Variants in KHDRBS2 observed in about 807,000 individuals in gnomAD.
The protein encoded by KHDRBS2 is KH RNA binding domain containing, signal transduction associated 2.
KHDRBS2 carries 26 observed loss-of-function variants against 44.3 expected under a neutral mutation model. The observed-to-expected ratio is 0.59, with a 90% CI of 0.43 to 0.81. KHDRBS2 has a LOEUF of 0.81. Among genes scored for constraint, KHDRBS2 ranks in the 40% least tolerant of loss-of-function variants. KHDRBS2 has a pLI of 0.00. For missense variants in KHDRBS2, 476 were observed against 433.1 expected, an observed-to-expected ratio of 1.10 and a Z score of -0.88; for synonymous variants, 194 against 151.1, an observed-to-expected ratio of 1.28 and a Z score of -2.08.
At chr6:62,074,222 A>T (rs769048965) in intron 2 of KHDRBS2, among the ~76,000 whole-genome samples, 1 of 151,884 alleles carries the variant, frequency 6.6e-6, no homozygotes, top group Non-Finnish European at 1.5e-5. Flanking sequence ...GGATCCAGTT[A>T]AGCCATGCCT....
At chr6:61,945,113 G>A (rs6149615) in intron 4 of KHDRBS2, among the ~76,000 whole-genome samples, 128 of 14,960 alleles carry the variant, frequency 8.6e-3, no homozygotes, top group South Asian at 0.018. Flanking sequence ...AAAAAAAAAA[G>A]TATATATATA....
intron 2 of KHDRBS2, among the ~76,000 whole-genome samples, chr6:62,090,668 G>C (rs1799332664): frequency 6.6e-6 from 1 of 152,028 alleles, no homozygotes; most frequent in African/African-American, 2.4e-5. Flanking sequence ...AGAGAGAACA[G>C]GGGTACTGTT....
chr6:61,545,903 C>A, the KHDRBS2 span, among the ~76,000 whole-genome samples: 1 of 152,046 alleles, frequency 6.6e-6, no homozygotes, highest in Non-Finnish European at 1.5e-5. Flanking sequence ...CCGTCTTCAA[C>A]CCAAGGGGAG....
At chr6:62,110,731 G>A (rs187357992) in intron 2 of KHDRBS2, among the ~76,000 whole-genome samples, 6 of 152,162 alleles carry the variant, frequency 3.9e-5, no homozygotes, top group Admixed American at 3.3e-4. Flanking sequence ...GAGGCAAGGA[G>A]TGAGGGATTA....
rs184911931 is a variant in KHDRBS2 at position 61,748,874 on chromosome 6, A to G, written c.811-16110T>C. Among the ~76,000 whole-genome samples, 4 of 152,198 alleles carry G rather than the reference A, an allele frequency of 2.6e-5. No individual in the cohort carries two copies. The East Asian group carries it at 5.8e-4, about 22-fold the overall frequency. On this transcript the variant is annotated intron_variant, in intron 6 of 8. Coordinates refer to ENST00000281156, the MANE Select transcript of KHDRBS2 (RefSeq NM_152688.4). ...AATTCTCTATGCCCTGTGCTATCCA[A>G]TATGATATTCACTAGTCAGTGTGGT...
intron 2 of KHDRBS2, among the ~76,000 whole-genome samples, chr6:62,154,464 TAGTA>T (rs748902514): frequency 1.4e-4 from 22 of 152,110 alleles, no homozygotes; most frequent in Non-Finnish European, 2.2e-4. Context: ...TTTATAAAAA[TAGTA>T]AGTAATATAA....
At chr6:62,100,552 A>C (rs899273159) in intron 2 of KHDRBS2, among the ~76,000 whole-genome samples, 1 of 152,204 alleles carries the variant, frequency 6.6e-6, no homozygotes, top group African/African-American at 2.4e-5. Context: ...TGTCTTTTAC[A>C]AAATTACCAC....
intron 6 of KHDRBS2, among the ~76,000 whole-genome samples, chr6:61,868,307 C>T (rs1798076215): frequency 6.6e-6 from 1 of 152,120 alleles, no homozygotes; most frequent in Admixed American, 6.5e-5. Context: ...ACCAATTCAC[C>T]CAAACAGCAA....
intron 1 of KHDRBS2, among the ~76,000 whole-genome samples, chr6:62,189,080 C>A (rs1203998202): frequency 6.6e-6 from 1 of 151,778 alleles, no homozygotes; most frequent in Non-Finnish European, 1.5e-5. Flanking sequence ...GTGCCACTGA[C>A]CCCTCCAGCC....
chr6:62,038,317 G>C (rs924281829), intron 3 of KHDRBS2, among the ~76,000 whole-genome samples: 4 of 123,892 alleles, frequency 3.2e-5, no homozygotes, highest in Non-Finnish European at 5.7e-5. Flanking sequence ...TTGAGAAGCT[G>C]CTGATTTTTT....
chr6:62,252,027 G>A (rs182915739), intron 1 of KHDRBS2, among the ~76,000 whole-genome samples: 6 of 151,922 alleles, frequency 3.9e-5, no homozygotes, highest in African/African-American at 1.4e-4. Flanking sequence ...AGGAGGAGAA[G>A]ATTCTTGGCA....
rs140770440 is a variant in KHDRBS2 at position 61,951,945 on chromosome 6, A to T, written c.483+26121T>A. On this transcript the variant is annotated intron_variant, in intron 4 of 8. Coordinates refer to ENST00000281156, the MANE Select transcript of KHDRBS2 (RefSeq NM_152688.4). Reference sequence around the variant, plus strand: ...TCAGTTAAACATTATCTGTACAATCAAAGAAAGCCACTCCTTAGACCAAGA... The same window carrying T: ...TCAGTTAAACATTATCTGTACAATCTAAGAAAGCCACTCCTTAGACCAAGA... Among the ~76,000 whole-genome samples the T allele has an allele frequency of 2.2e-3, 341 of 152,124 alleles. 12 individuals are homozygous for T. In the East Asian group the frequency reaches 0.06, roughly 27 times the overall value.
intron 4 of KHDRBS2, among the ~76,000 whole-genome samples, chr6:61,966,043 G>A (rs1769858807): frequency 6.6e-6 from 1 of 151,890 alleles, no homozygotes; most frequent in African/African-American, 2.4e-5. Context: ...TCTTGCTCCT[G>A]CAGACCAACT....
At chr6:61,889,527 A>C (rs1241415866) in intron 6 of KHDRBS2, among the ~76,000 whole-genome samples, 1 of 137,848 alleles carries the variant, frequency 7.3e-6, no homozygotes, top group African/African-American at 2.7e-5. Context: ...CCATCATCAA[A>C]TCTTAACAGA....
At chr6:62,207,324 A>T (rs1261871328) in intron 1 of KHDRBS2, among the ~76,000 whole-genome samples, 2 of 152,148 alleles carry the variant, frequency 1.3e-5, no homozygotes, top group Non-Finnish European at 2.9e-5. Context: ...GCTATACTTC[A>T]GTATGTATTA....
intron 6 of KHDRBS2, among the ~76,000 whole-genome samples, chr6:61,830,952 T>C (rs1485134811): frequency 6.6e-6 from 1 of 152,202 alleles, no homozygotes; most frequent in African/African-American, 2.4e-5. Flanking sequence ...TGTTCCTAAA[T>C]AAATTTTTGT....
chr6:62,144,523 A>C (rs1318923793), intron 2 of KHDRBS2, among the ~76,000 whole-genome samples: 1 of 151,896 alleles, frequency 6.6e-6, no homozygotes, highest in Non-Finnish European at 1.5e-5. Context: ...GTAAATTCTA[A>C]GTTCTAGAAA....
intron 2 of KHDRBS2, among the ~76,000 whole-genome samples, chr6:62,072,287 A>T (rs1026922344): frequency 2.0e-5 from 3 of 152,168 alleles, no homozygotes; most frequent in African/African-American, 7.2e-5. Context: ...TCATCTGCAA[A>T]CAGGGACAAT....
chr6:62,165,916 T>A (rs1818590241), intron 2 of KHDRBS2, among the ~76,000 whole-genome samples: 1 of 151,918 alleles, frequency 6.6e-6, no homozygotes, highest in Non-Finnish European at 1.5e-5. Context: ...CTAGAAGTTT[T>A]CATCACTCCA....
Sources: gnomAD v4.1 joint callset for allele counts (sites outside exome capture counted in the v4.1 genomes callset) on GRCh38, gnomAD v4.1.1 for gene constraint, MANE v1.5 for transcripts, NCBI Gene and HGNC (gene_info 2026-07-23, HGNC 2026-07-21) for gene names.